The following SIK2 variants were observed in gnomAD, a reference collection of about 807,000 sequenced individuals.
The protein encoded by SIK2 is serine/threonine-protein kinase SIK2.
A neutral mutation model predicts 103.2 loss-of-function variants in SIK2; 29 were observed. The ratio of observed to expected loss-of-function variants is 0.28; its 90% CI spans 0.21 to 0.38. The LOEUF is 0.38. Among genes scored for constraint, SIK2 ranks in the 10% least tolerant of loss-of-function variants. The pLI is 1.00. For synonymous variants in SIK2, 412 were observed against 446.1 expected, an observed-to-expected ratio of 0.92 and a Z score of 0.96; for missense variants, 879 against 1,171.0, an observed-to-expected ratio of 0.75 and a Z score of 3.64.
At chr11:111,609,873 A>G (rs1941697047) in intron 1 of SIK2, among the ~76,000 whole-genome samples, 1 of 152,178 alleles carries the variant, frequency 6.6e-6, no homozygotes, top group South Asian at 2.1e-4. Flanking sequence ...AGTTGTATTT[A>G]TTTTTTAATT....
Position 111,723,543 on chromosome 11 carries a change from C to T in SIK2, c.2195C>T (p.Ala732Val). ...CTTCAGAAGCAGTCTCAACTGCAGG[C>T]CTATTTTAATCAGATGCAGATAGCA... The part of the protein sequence containing the change: ...LFLQKQSQLQ[A>V]YFNQMQIAES... The change falls in exon 15 of 15, where the codon GCC becomes GTC. Residue 732 changes from alanine to valine, a missense_variant. Around this residue, in one of 7 missense-constraint regions of SIK2, gnomAD observed 375 missense variants for 416.3 expected, o/e 0.90. Transcript: ENST00000304987. 1 of 1,614,118 alleles carries T rather than the reference C, an allele frequency of 6.2e-7. No homozygotes were observed. Among genetic ancestry groups the T allele is most frequent in the Non-Finnish European group, 8.5e-7 (1 of 1,179,986 alleles).
In SIK2 at chr11:111,674,073, A is replaced by G. The variant is rs912050145; in HGVS notation, c.317-13928A>G. On this transcript the variant is annotated intron_variant, in intron 3 of 14. Transcript: ENST00000304987. ...TGGGCGACAGAGCAAGACTCCATTA[A>G]AAAAAAAAAAGAAAAAAAGAAAAAA... Among the ~76,000 whole-genome samples, 4 of 1,434 alleles carry G rather than the reference A, an allele frequency of 2.8e-3. No individual in the cohort carries two copies. In the Non-Finnish European group the frequency reaches 0.08, roughly 29 times the overall value. 0.9% of individuals were successfully genotyped at this position (1,434 alleles called of 152,430 possible). A position where few individuals can be genotyped will look rare whatever the true frequency, so the allele number is the denominator to read the frequency against.
intron 7 of SIK2, 77 bp from the exon 8 acceptor site, chr11:111,704,910 C>CA: frequency 3.6e-6 from 5 of 1,401,006 alleles, no homozygotes; most frequent in Non-Finnish European, 4.8e-6. Context: ...TTTCTTTCCT[C>CA]TTTTTTTTTA....
rs199738502 is a variant in SIK2, at chr11:111,658,090, T to TTTTA, written c.317-29863_317-29860dup. On this transcript the variant is annotated intron_variant, in intron 3 of 14. Transcript: ENST00000304987. The stretch of plus-strand genomic sequence containing the variant: ...TTACTTATTTATTTTTTCATTTTTA[T>TTTTA]TTTATTTATTTATTTATTTATTTAT... Among the ~76,000 whole-genome samples, 893 of 135,572 alleles carry TTTTA rather than the reference T, an allele frequency of 6.6e-3. 7 individuals carry two copies. The highest frequency in any genetic ancestry group is 9.4e-3 in the East Asian group (43 of 4,572). The allele number at this position is 135,572 out of a possible 152,430, so 88.9% of individuals were successfully genotyped here.
At chr11:111,634,243 A>G (rs1053841825) in intron 3 of SIK2, among the ~76,000 whole-genome samples, 1 of 152,110 alleles carries the variant, frequency 6.6e-6, no homozygotes, top group African/African-American at 2.4e-5. Flanking sequence ...AGCTGTGGTA[A>G]TTGAAAAAGG....
chr11:111,658,690 A>G (rs1942427866), intron 3 of SIK2, among the ~76,000 whole-genome samples: 1 of 152,090 alleles, frequency 6.6e-6, no homozygotes, highest in Non-Finnish European at 1.5e-5. Context: ...GCAGTGAGCC[A>G]TGACCACACC....
Position 111,688,161 on chromosome 11 carries a change from A to G in SIK2, c.477A>G (p.Ala159=). ...ATAACAACATGAATATCAAAATAGC[A>G]GGTAACTGGGACACAACTGGCTCTA... ...LLDNNMNIKI[A]DFGFGNFFKS... is the part of the protein sequence containing the mutation. Residue 159 remains alanine, a splice_region_variant and synonymous_variant, in exon 4 of 15, where the codon GCA becomes GCG. Transcript: ENST00000304987. This position sits in a 1 kb window ranked among gnomAD's most constrained non-coding sequence, Gnocchi z 4.2. The G allele has an allele frequency of 6.2e-7, 1 of 1,614,118 alleles. No homozygotes were observed. The highest frequency in any genetic ancestry group is 1.1e-5 in the South Asian group (1 of 91,070).
intron 3 of SIK2, among the ~76,000 whole-genome samples, chr11:111,629,386 G>A (rs1203246657): frequency 1.3e-5 from 2 of 152,158 alleles, no homozygotes; most frequent in Non-Finnish European, 2.9e-5. Context: ...TTATACTTTA[G>A]CACCTGTCAA....
rs922396282 is a variant in SIK2, at chr11:111,727,397, C to T, written c.*3268C>T. The T allele has an allele frequency of 4.7e-5, 15 of 321,482 alleles. No homozygotes were observed. Among genetic ancestry groups the T allele is most frequent in the Admixed American group, 1.7e-4 (4 of 23,926 alleles). The allele number at this position is 321,482 out of a possible 1,614,324, so 19.9% of individuals were successfully genotyped here. A position where few individuals can be genotyped will look rare whatever the true frequency, so the allele number is the denominator to read the frequency against. ...ATCAAGAACTCCCAAGTGTTTAAAC[C>T]GTATGCTGGAGTCAGTGGTTGGGAC... On this transcript the variant is annotated 3_prime_UTR_variant, in exon 15 of 15. Transcript: ENST00000304987.
At chr11:111,660,251 G>A (rs937933374) in intron 3 of SIK2, among the ~76,000 whole-genome samples, 1 of 152,158 alleles carries the variant, frequency 6.6e-6, no homozygotes, top group Non-Finnish European at 1.5e-5. Context: ...ATTTTCCTCG[G>A]TGGTTAATGA....
Position 111,631,948 on chromosome 11 carries a change from G to A in SIK2, c.316+11546G>A, listed in dbSNP as rs73017022. On this transcript the variant is annotated intron_variant, in intron 3 of 14. Transcript: ENST00000304987. Reference sequence around the variant, plus strand: ...GCTCTGATGGTTATCCTTTATTTTTGTTCAGTTAATTATATTGTACCTCAT... The same window carrying A: ...GCTCTGATGGTTATCCTTTATTTTTATTCAGTTAATTATATTGTACCTCAT... Among the ~76,000 whole-genome samples the A allele has an allele frequency of 8.4e-3, 1,276 of 152,254 alleles. 11 individuals are homozygous for A. Among genetic ancestry groups the A allele is most frequent in the Non-Finnish European group, 0.013 (860 of 68,024 alleles).
At position 111,721,893 on chromosome 11, in the gene SIK2, T is replaced by C; in HGVS notation, c.2008T>C (p.Ser670Pro). The C allele has an allele frequency of 6.2e-7, 1 of 1,612,104 alleles. No individual in the cohort carries two copies. The highest frequency in any genetic ancestry group is 8.5e-7 in the Non-Finnish European group (1 of 1,178,968). Residue 670 changes from serine to proline, a missense_variant, in exon 13 of 15, where the codon TCC becomes CCC. Transcript: ENST00000304987. The part of the protein sequence containing the change: ...TLPASVHPQL[S>P]PRQSLETQYL... Reference sequence around the variant, plus strand: ...CCCTGCCAGCGTGCATCCCCAGCTGTCCCCACGGCAGAGCCTGGAGACCCA... The same window carrying C: ...CCCTGCCAGCGTGCATCCCCAGCTGCCCCCACGGCAGAGCCTGGAGACCCA...
intron 9 of SIK2, among the ~76,000 whole-genome samples, chr11:111,714,534 G>T (rs998641131): frequency 5.3e-5 from 8 of 152,240 alleles, no homozygotes; most frequent in African/African-American, 1.9e-4. Context: ...GTCCAGGAGG[G>T]AGGTGATGAG....
chr11:111,696,823 A>G (rs1943082617), intron 4 of SIK2, among the ~76,000 whole-genome samples: 1 of 152,242 alleles, frequency 6.6e-6, no homozygotes. Context: ...ATGAAGCATG[A>G]GTATAGTCCA....
intron 3 of SIK2, among the ~76,000 whole-genome samples, chr11:111,679,795 G>A (rs1014940552): frequency 7.2e-5 from 11 of 152,118 alleles, no homozygotes; most frequent in Non-Finnish European, 1.2e-4. Context: ...AGCACAAGCT[G>A]AGCTGTCAAG....
At position 111,727,076 on chromosome 11, in the gene SIK2, G is replaced by A. The variant is rs779975852; in HGVS notation, c.*2947G>A. 12 of 1,607,006 alleles carry A rather than the reference G, an allele frequency of 7.5e-6. No homozygotes were observed. Among genetic ancestry groups the A allele is most frequent in the East Asian group, 2.2e-5 (1 of 44,834 alleles). On this transcript the variant is annotated 3_prime_UTR_variant, in exon 15 of 15. Transcript: ENST00000304987. Reference sequence around the variant, plus strand: ...CTGGTCCCTGTAAGGCAAACAGCATGTTAGCCCGACAGGAAGAGGGGGCCC... The same window carrying A: ...CTGGTCCCTGTAAGGCAAACAGCATATTAGCCCGACAGGAAGAGGGGGCCC...
At chr11:111,672,050 G>A in intron 3 of SIK2, 1 of 510,772 alleles carries the variant, frequency 2.0e-6, no homozygotes, top group Non-Finnish European at 3.8e-6. Flanking sequence ...TGCTGCTCCA[G>A]GAACCACAAC....
chr11:111,622,247 CTTTTTTTTTTT>C (rs71057079), intron 3 of SIK2, among the ~76,000 whole-genome samples: 9 of 61,462 alleles, frequency 1.5e-4, no homozygotes, highest in African/African-American at 6.5e-4. Flanking sequence ...ATTTTCTTTT[CTTTTTTTTTTT>C]TTTTTTTTTT....
intron 8 of SIK2, among the ~76,000 whole-genome samples, chr11:111,708,570 A>G (rs1943413438): frequency 6.6e-6 from 1 of 151,892 alleles, no homozygotes; most frequent in African/African-American, 2.4e-5. Context: ...CTAACCACTA[A>G]TTTTGGTGGG....
Sources: gnomAD v4.1 joint callset for allele counts (sites outside exome capture counted in the v4.1 genomes callset) on GRCh38, gnomAD v4.1.1 for gene constraint, gnomAD v4.1.1 regional missense constraint, Gnocchi (gnomAD v3.1) non-coding constraint, MANE v1.5 for transcripts, NCBI Gene and HGNC (gene_info 2026-07-23, HGNC 2026-07-21) for gene names.